Variants in DDR2 observed in about 807,000 individuals in gnomAD.
DDR2 encodes discoidin domain-containing receptor 2.
Under a neutral mutation model 94.9 loss-of-function variants are expected in DDR2, and 27 were observed. The ratio of observed to expected loss-of-function variants is 0.28; its 90% CI spans 0.21 to 0.39. DDR2 has a LOEUF of 0.39. Among genes scored for constraint, DDR2 ranks in the 10% least tolerant of loss-of-function variants. The pLI, the probability that DDR2 is intolerant of heterozygous loss-of-function variation, is 1.00. For synonymous variants in DDR2, 382 were observed against 377.2 expected (o/e 1.01, Z -0.15); for missense variants, 783 against 1,076.0 (o/e 0.73, Z 3.81).
At chr1:162,701,869 A>T (rs1571217302) in intron 2 of DDR2, among the ~76,000 whole-genome samples, 1 of 152,198 alleles carries the variant, frequency 6.6e-6, no homozygotes, top group African/African-American at 2.4e-5. Flanking sequence ...AGGGCATCAC[A>T]TATTTGAAGA....
chr1:162,679,733 C>T (rs769740909), intron 2 of DDR2, among the ~76,000 whole-genome samples: 22 of 151,858 alleles, frequency 1.4e-4, no homozygotes, highest in Non-Finnish European at 2.9e-4. Flanking sequence ...CTTCCACAAT[C>T]GCTGAACTAA....
chr1:162,784,554 T>C lies in DDR2; in HGVS notation c.*4308T>C, dbSNP rs913676144. 1 of 152,428 alleles carries C rather than the reference T, an allele frequency of 6.6e-6. No homozygotes were observed. The highest frequency in any genetic ancestry group is 1.5e-5 in the Non-Finnish European group (1 of 67,980). The allele number at this position is 152,428 out of a possible 1,614,324, so 9.4% of individuals were successfully genotyped here. ...ACAGATTAATGTGTTTTTCACTTAG[T>C]AAATGTTTTCAAGAGCTGAATTGAG... On this transcript the variant is annotated 3_prime_UTR_variant, in exon 18 of 18. Transcript: ENST00000367921.
intron 2 of DDR2, among the ~76,000 whole-genome samples, chr1:162,690,524 G>A (rs1262071248): frequency 2.0e-5 from 3 of 152,066 alleles, no homozygotes; most frequent in Admixed American, 1.3e-4. Flanking sequence ...ATACATAACG[G>A]GTGATAAGAT....
At chr1:162,732,210 C>T (rs559493426) in intron 3 of DDR2, among the ~76,000 whole-genome samples, 1 of 152,272 alleles carries the variant, frequency 6.6e-6, no homozygotes, top group Non-Finnish European at 1.5e-5. Context: ...GACCATTATA[C>T]CCAAAGAATA....
intron 3 of DDR2, among the ~76,000 whole-genome samples, chr1:162,727,965 ATATATATATATAGATATAATCACAC>A (rs1558049692): frequency 1.5e-5 from 2 of 136,206 alleles, no homozygotes; most frequent in African/African-American, 5.5e-5. Flanking sequence ...ATATATCTAT[ATATATATATATAGATATAATCACAC>A]TATATATATC....
At chr1:162,659,588 C>T (rs766802435) in intron 2 of DDR2, among the ~76,000 whole-genome samples, 2 of 152,170 alleles carry the variant, frequency 1.3e-5, no homozygotes, top group Non-Finnish European at 2.9e-5. Context: ...TGGGCTAAGA[C>T]ATCTGGACAG....
intron 1 of DDR2, among the ~76,000 whole-genome samples, chr1:162,647,072 G>C (rs1657447998): frequency 6.6e-6 from 1 of 152,132 alleles, no homozygotes; most frequent in Non-Finnish European, 1.5e-5. Flanking sequence ...CCAGACCCTT[G>C]GAAAATTTAG....
chr1:162,713,390 T>C (rs1169748582), intron 2 of DDR2, among the ~76,000 whole-genome samples: 1 of 152,174 alleles, frequency 6.6e-6, no homozygotes. Context: ...AAGGAACACA[T>C]TTTCCTTGTT....
chr1:162,685,300 T>C (rs1490999098), intron 2 of DDR2, among the ~76,000 whole-genome samples: 1 of 152,170 alleles, frequency 6.6e-6, no homozygotes, highest in African/African-American at 2.4e-5. Context: ...AATGTATGAA[T>C]GAAATGGGAC....
intron 2 of DDR2, among the ~76,000 whole-genome samples, chr1:162,695,085 A>T (rs959460947): frequency 1.1e-4 from 17 of 152,178 alleles, no homozygotes; most frequent in Non-Finnish European, 2.2e-4. Context: ...TAAAAAAAAA[A>T]TTTTGAATTC....
chr1:162,692,353 A>G (rs1481212817), intron 2 of DDR2, among the ~76,000 whole-genome samples: 2 of 152,378 alleles, frequency 1.3e-5, no homozygotes, highest in African/African-American at 2.4e-5. Flanking sequence ...ATGTTTATCA[A>G]AAGTCACTGT....
At chr1:162,657,343 C>T (rs1374060308) in intron 2 of DDR2, among the ~76,000 whole-genome samples, 3 of 152,080 alleles carry the variant, frequency 2.0e-5, no homozygotes, top group African/African-American at 7.2e-5. Flanking sequence ...TTTCTGGGAA[C>T]GATCAGACTG....
chr1:162,703,756 T>C (rs534359042), intron 2 of DDR2, among the ~76,000 whole-genome samples: 15 of 152,314 alleles, frequency 9.8e-5, no homozygotes, highest in African/African-American at 3.6e-4. Flanking sequence ...TCCCCTTATG[T>C]AGTTATTCCA....
In DDR2 at chr1:162,719,110, C is replaced by T. The variant is rs2102030490; in HGVS notation, c.47C>T (p.Pro16Leu). Residue 16 changes from proline (P) to leucine (L), a missense_variant, in exon 3 of 18, where the codon CCT (proline) becomes CTT (leucine). Physicochemically the swap from Pro to Leu is moderately conservative, Grantham distance 98. This residue lies in a region of DDR2 where 519 missense variants were observed against 647.9 expected (regional missense o/e 0.80). Coordinates refer to ENST00000367921, the MANE Select transcript of DDR2 (RefSeq NM_006182.4). Reference sequence around the variant, plus strand: ...CTCTTGGTGCTGTTCCTGCTGCTGCCTATCTTGAGTTCTGCAAAAGCTCAG... The same window carrying T: ...CTCTTGGTGCTGTTCCTGCTGCTGCTTATCTTGAGTTCTGCAAAAGCTCAG... ...RMLLVLFLLL[P>L]ILSSAKAQVN... 6.2e-7 allele frequency: 1 copy of T among 1,613,816 alleles called. No homozygotes were observed. Among genetic ancestry groups the T allele is most frequent in the Non-Finnish European group, 8.5e-7 (1 of 1,179,806 alleles).
chr1:162,723,628 A>T (rs1022613031), intron 3 of DDR2, among the ~76,000 whole-genome samples: 1 of 152,230 alleles, frequency 6.6e-6, no homozygotes, highest in Non-Finnish European at 1.5e-5. Context: ...ATTGTTGTGT[A>T]TAAAAAACAC....
intron 2 of DDR2, among the ~76,000 whole-genome samples, chr1:162,703,007 G>T (rs535383899): frequency 6.6e-6 from 1 of 152,224 alleles, no homozygotes; most frequent in East Asian, 1.9e-4. Context: ...ATAAATGCTG[G>T]TTAATGAATA....
At chr1:162,685,265 C>T (rs1245749427) in intron 2 of DDR2, among the ~76,000 whole-genome samples, 1 of 152,104 alleles carries the variant, frequency 6.6e-6, no homozygotes, top group Non-Finnish European at 1.5e-5. Context: ...CAGAGTGAAG[C>T]AGAAGTATCT....
rs571534188 is a variant in DDR2 at position 162,739,101 on chromosome 1, G to A, written c.83-13994G>A. Among the ~76,000 whole-genome samples the A allele has an allele frequency of 1.4e-4, 17 of 125,534 alleles. No individual in the cohort carries two copies. The East Asian group carries it at 3.8e-3, about 28-fold the overall frequency. The allele number at this position is 125,534 out of a possible 152,430, so 82.4% of individuals were successfully genotyped here. ...AGCAATGGCAACAAAAGCCAAAATTGACAAATGGGATCTAATTAAACTAAA... is the reference window on the plus strand; with the variant it reads ...AGCAATGGCAACAAAAGCCAAAATTAACAAATGGGATCTAATTAAACTAAA... On this transcript the variant is annotated intron_variant, in intron 3 of 17. Transcript: ENST00000367921.
At position 162,776,291 on chromosome 1, in the gene DDR2, T is replaced by G; in HGVS notation, c.2204T>G (p.Leu735Arg). The G allele has an allele frequency of 6.2e-7, 1 of 1,614,086 alleles. No homozygotes were observed. The highest frequency in any genetic ancestry group is 8.5e-7 in the Non-Finnish European group (1 of 1,179,976). ...GCTGACTTTGGAATGAGCAGGAACC[T>G]GTACAGTGGTGACTATTACCGGATC... ...KIADFGMSRN[L>R]YSGDYYRIQG... is the part of the protein sequence containing the mutation. Residue 735 changes from leucine (L) to arginine (R), a missense_variant, in exon 16 of 18, where the codon CTG becomes CGG. Around this residue, in one of 2 missense-constraint regions of DDR2, gnomAD observed 264 missense variants for 428.2 expected, o/e 0.62. Transcript: ENST00000367921.
Sources: gnomAD v4.1 joint callset for allele counts (sites outside exome capture counted in the v4.1 genomes callset) on GRCh38, gnomAD v4.1.1 for gene constraint, gnomAD v4.1.1 regional missense constraint, MANE v1.5 for transcripts, NCBI Gene and HGNC (gene_info 2026-07-23, HGNC 2026-07-21) for gene names.